The following PRELID2 variants were observed in gnomAD, a reference collection of about 807,000 sequenced individuals.
The protein encoded by PRELID2 is PRELI domain containing 2.
In PRELID2, 25 loss-of-function variants were observed where a neutral mutation model predicts 28.4. The ratio of observed to expected loss-of-function variants is 0.88; its 90% CI spans 0.64 to 1.23. The LOEUF (loss-of-function observed/expected upper bound fraction) is 1.23. PRELID2 is among the 50% of genes most tolerant of loss of function. The probability of loss-of-function intolerance (pLI) is 0.00; values close to 1 mark genes in which losing one functional copy is unlikely to be tolerated. For synonymous variants in PRELID2, 76 were observed against 71.6 expected (o/e 1.06, Z -0.31); for missense variants, 201 against 214.4 (o/e 0.94, Z 0.39).
the PRELID2 span, among the ~76,000 whole-genome samples, chr5:145,404,784 G>C: frequency 6.6e-6 from 1 of 152,314 alleles, no homozygotes; most frequent in African/African-American, 2.4e-5. Flanking sequence ...TTTAAAGTGA[G>C]AAACCTAATG....
chr5:145,767,268 A>T (rs1432778943), intron 5 of PRELID2, among the ~76,000 whole-genome samples: 2 of 151,990 alleles, frequency 1.3e-5, no homozygotes, highest in Non-Finnish European at 2.9e-5. Context: ...GCAGGACCTC[A>T]GAGAGGAATT....
intron 6 of PRELID2, among the ~76,000 whole-genome samples, chr5:145,764,193 T>C (rs953366098): frequency 6.6e-6 from 1 of 152,208 alleles, no homozygotes; most frequent in African/African-American, 2.4e-5. Context: ...TAAATAACTC[T>C]GCCCTGCCCT....
chr5:145,788,234 T>A (rs1752130232), intron 5 of PRELID2, among the ~76,000 whole-genome samples: 1 of 152,252 alleles, frequency 6.6e-6, no homozygotes, highest in Admixed American at 6.5e-5. Flanking sequence ...CAGATCTTTA[T>A]CTTTTTGATC....
At chr5:145,538,020 T>C (rs894812925) in intron 1 of PRELID2, among the ~76,000 whole-genome samples, 10 of 151,984 alleles carry the variant, frequency 6.6e-5, no homozygotes, top group Non-Finnish European at 1.3e-4. Flanking sequence ...TTGTATATGG[T>C]GAGATGTAAC....
At chr5:145,282,106 C>T in the PRELID2 span, among the ~76,000 whole-genome samples, 1 of 152,078 alleles carries the variant, frequency 6.6e-6, no homozygotes, top group African/African-American at 2.4e-5. Flanking sequence ...GATGTAATCA[C>T]CCAGTGTGTT....
intron 1 of PRELID2, among the ~76,000 whole-genome samples, chr5:145,501,662 G>A (rs1752360758): frequency 6.6e-6 from 1 of 152,080 alleles, no homozygotes; most frequent in Admixed American, 6.6e-5. Context: ...CAGCCATGTG[G>A]AACAGTGAAT....
the PRELID2 span, among the ~76,000 whole-genome samples, chr5:145,279,686 T>C: frequency 6.6e-6 from 1 of 152,186 alleles, no homozygotes; most frequent in African/African-American, 2.4e-5. Flanking sequence ...TTTTAGTTTT[T>C]CAATTAAATT....
intron 2 of PRELID2, 36 bp downstream of exon 2, chr5:145,823,041 A>G: frequency 9.1e-7 from 1 of 1,098,608 alleles, no homozygotes; most frequent in African/African-American, 1.5e-5. Context: ...CTATCATTTA[A>G]TGATCATTAC....
the PRELID2 span, among the ~76,000 whole-genome samples, chr5:145,231,536 G>C: frequency 6.6e-6 from 1 of 152,150 alleles, no homozygotes; most frequent in Non-Finnish European, 1.5e-5. Flanking sequence ...GGCAATTTCA[G>C]GACAGTTTGT....
At chr5:145,444,962 A>G in the PRELID2 span, among the ~76,000 whole-genome samples, 1 of 152,120 alleles carries the variant, frequency 6.6e-6, no homozygotes, top group Non-Finnish European at 1.5e-5. Flanking sequence ...TACCCAAGCA[A>G]TATATAGATT....
chr5:145,684,514 G>A (rs1267675940), intron 1 of PRELID2, among the ~76,000 whole-genome samples: 1 of 152,130 alleles, frequency 6.6e-6, no homozygotes, highest in Non-Finnish European at 1.5e-5. Context: ...TTCATTTTGT[G>A]CTTGCCCATG....
At chr5:145,611,203 GCC>G (rs1753611958) in intron 1 of PRELID2, among the ~76,000 whole-genome samples, 2 of 151,780 alleles carry the variant, frequency 1.3e-5, no homozygotes, top group African/African-American at 4.8e-5. Flanking sequence ...TTGTTCTGTT[GCC>G]CAGGCTGGAG....
the PRELID2 span, among the ~76,000 whole-genome samples, chr5:145,265,987 T>G: frequency 6.6e-6 from 1 of 152,266 alleles, no homozygotes; most frequent in South Asian, 2.1e-4. Flanking sequence ...ACTAAAAAGC[T>G]TCTGCACAAC....
At chr5:145,406,045 C>G in the PRELID2 span, among the ~76,000 whole-genome samples, 6 of 152,038 alleles carry the variant, frequency 3.9e-5, no homozygotes, top group Non-Finnish European at 7.4e-5. Flanking sequence ...TACAAGAACT[C>G]CCTCGGGATC....
the PRELID2 span, among the ~76,000 whole-genome samples, chr5:145,256,102 G>T: frequency 2.0e-5 from 3 of 151,710 alleles, no homozygotes; most frequent in Admixed American, 6.6e-5. Flanking sequence ...CTAAAATCAA[G>T]GTGTCACCAA....
chr5:145,573,785 C>T (rs1753036325), intron 1 of PRELID2, among the ~76,000 whole-genome samples: 1 of 152,124 alleles, frequency 6.6e-6, no homozygotes, highest in South Asian at 2.1e-4. Context: ...GACTTTGCTA[C>T]TGTGAATAGT....
chr5:145,654,650 C>G (rs1384391140), intron 1 of PRELID2, among the ~76,000 whole-genome samples: 1 of 152,204 alleles, frequency 6.6e-6, no homozygotes, highest in African/African-American at 2.4e-5. Flanking sequence ...ACAAAAACCA[C>G]ATGATTATCT....
intron 1 of PRELID2, among the ~76,000 whole-genome samples, chr5:145,486,240 T>C (rs576865887): frequency 2.6e-4 from 39 of 152,334 alleles, no homozygotes; most frequent in African/African-American, 9.1e-4. Flanking sequence ...TCTGTCATTT[T>C]TCTATCACAG....
chr5:145,807,938 A>C (rs1753629893), intron 4 of PRELID2, among the ~76,000 whole-genome samples: 1 of 152,200 alleles, frequency 6.6e-6, no homozygotes, highest in Non-Finnish European at 1.5e-5. Flanking sequence ...ATATGAACAC[A>C]AACATCAAAT....
Sources: allele counts gnomAD v4.1 joint callset (sites outside exome capture counted in the v4.1 genomes callset), GRCh38; gene constraint gnomAD v4.1.1; transcripts MANE v1.5; gene names NCBI Gene and HGNC (gene_info 2026-07-23, HGNC 2026-07-21).